The following AMD1 variants were observed in gnomAD, a reference collection of about 807,000 sequenced individuals.
AMD1 encodes adenosylmethionine decarboxylase 1, also known as S-adenosylmethionine decarboxylase proenzyme.
In AMD1, 11 loss-of-function variants were observed where a neutral mutation model predicts 40.2. The observed-to-expected ratio is 0.27, with a 90% CI of 0.17 to 0.45. The LOEUF (loss-of-function observed/expected upper bound fraction) is 0.45, where lower values mean the gene tolerates loss of function less well. Among genes scored for constraint, AMD1 ranks in the 20% least tolerant of loss-of-function variants. AMD1 has a pLI of 1.00. For missense variants in AMD1, 257 were observed against 410.2 expected (o/e 0.63, Z 3.23); for synonymous variants, 121 against 130.8 (o/e 0.93, Z 0.51).
chr6:110,814,958 C>T, the AMD1 span: 1 of 1,593,758 alleles, frequency 6.3e-7, no homozygotes, highest in South Asian at 1.1e-5. Context: ...CGCCAGGTCG[C>T]GGGCAGGGCG....
At chr6:110,885,703 C>G (rs1785643722) in intron 1 of AMD1, among the ~76,000 whole-genome samples, 1 of 152,148 alleles carries the variant, frequency 6.6e-6, no homozygotes, top group Admixed American at 6.6e-5. Flanking sequence ...TTTTTAGTAG[C>G]TCTTTTAAAA....
chr6:110,894,949 G>A lies in AMD1; in HGVS notation c.*1333G>A, dbSNP rs1049396222. The A allele has an allele frequency of 2.0e-5, 3 of 152,122 alleles. No homozygotes were observed. The highest frequency in any genetic ancestry group is 4.4e-5 in the Non-Finnish European group (3 of 68,016). 9.4% of individuals were successfully genotyped at this position (152,122 alleles called of 1,614,324 possible). The stretch of plus-strand genomic sequence containing the variant: ...ATAAAGCAGAATACATTATAAATAA[G>A]TAGAATATGAATAAATAGAATAATA... On this transcript the variant is annotated 3_prime_UTR_variant, in exon 9 of 9. Transcript: ENST00000368885.
chr6:110,862,073 G>T, the AMD1 span, among the ~76,000 whole-genome samples: 5 of 142,436 alleles, frequency 3.5e-5, no homozygotes, highest in Middle Eastern at 7.1e-3. Context: ...CGGCTGGAGT[G>T]CAGTAGCGTG....
intron 1 of AMD1, among the ~76,000 whole-genome samples, chr6:110,882,048 A>G (rs1177924894): frequency 2.0e-5 from 3 of 152,244 alleles, no homozygotes; most frequent in Non-Finnish European, 2.9e-5. Context: ...AGTGCTTCAA[A>G]GTCTCAGTTT....
At chr6:110,886,494 C>T (rs766992368) in intron 1 of AMD1, among the ~76,000 whole-genome samples, 13 of 152,096 alleles carry the variant, frequency 8.5e-5, no homozygotes, top group Non-Finnish European at 1.6e-4. Context: ...TTAGTAGAAA[C>T]AGGGTTTCAC....
chr6:110,852,657 A>G, the AMD1 span, among the ~76,000 whole-genome samples: 1 of 152,234 alleles, frequency 6.6e-6, no homozygotes. Flanking sequence ...TCTTAGAAAT[A>G]AAATAAAACA....
chr6:110,861,473 G>A, the AMD1 span, among the ~76,000 whole-genome samples: 2 of 150,806 alleles, frequency 1.3e-5, no homozygotes, highest in East Asian at 2.0e-4. Context: ...GCACTGAGCC[G>A]AGATCATGCC....
At chr6:110,823,359 C>G in the AMD1 span, among the ~76,000 whole-genome samples, 1 of 152,094 alleles carries the variant, frequency 6.6e-6, no homozygotes, top group Non-Finnish European at 1.5e-5. Context: ...CAACGTAGTA[C>G]TGGAAGTACT....
At chr6:110,861,036 G>A in the AMD1 span, among the ~76,000 whole-genome samples, 12 of 152,048 alleles carry the variant, frequency 7.9e-5, no homozygotes, top group Admixed American at 5.9e-4. Context: ...GCAACATGGT[G>A]AAACCCAGTC....
the AMD1 span, among the ~76,000 whole-genome samples, chr6:110,849,267 G>A: frequency 6.6e-6 from 1 of 152,172 alleles, no homozygotes; most frequent in East Asian, 1.9e-4. Flanking sequence ...TGTTAAGAGA[G>A]GGTGTCAAAT....
At chr6:110,815,092 C>T in the AMD1 span, 2 of 1,603,156 alleles carry the variant, frequency 1.2e-6, no homozygotes, top group Non-Finnish European at 1.7e-6. Flanking sequence ...AATCCTCCAC[C>T]CGCTCCCGCT....
At chr6:110,830,819 A>G in the AMD1 span, among the ~76,000 whole-genome samples, 1 of 152,144 alleles carries the variant, frequency 6.6e-6, no homozygotes, top group African/African-American at 2.4e-5. Flanking sequence ...GCCTGATGGT[A>G]GTTCATTGCA....
chr6:110,860,833 C>CCACACACACA, the AMD1 span, among the ~76,000 whole-genome samples: 1 of 128,122 alleles, frequency 7.8e-6, no homozygotes, highest in Admixed American at 7.4e-5. Flanking sequence ...AAACACCCAC[C>CCACACACACA]CACACACACA....
the AMD1 span, chr6:110,815,680 C>T: frequency 6.6e-6 from 1 of 152,552 alleles, no homozygotes; most frequent in Non-Finnish European, 1.5e-5. Context: ...GTAGAAAGCT[C>T]GAAGTTCCAG....
chr6:110,838,614 T>C, the AMD1 span, among the ~76,000 whole-genome samples: 1 of 151,832 alleles, frequency 6.6e-6, no homozygotes, highest in African/African-American at 2.4e-5. Context: ...ATCCTGGCAC[T>C]TTGGGAGGCC....
At chr6:110,875,344 T>C in intron 1 of AMD1, 129 bp downstream of exon 1, 1 of 776,886 alleles carries the variant, frequency 1.3e-6, no homozygotes, top group South Asian at 1.6e-5. Context: ...TGGGGTCGCT[T>C]CGGCGGCCTT....
chr6:110,837,479 G>A, the AMD1 span, among the ~76,000 whole-genome samples: 2 of 151,358 alleles, frequency 1.3e-5, no homozygotes, highest in African/African-American at 2.4e-5. Context: ...GGGAGGCCGA[G>A]GCAGATGGAT....
chr6:110,819,189 CT>C, the AMD1 span, among the ~76,000 whole-genome samples: 1 of 152,144 alleles, frequency 6.6e-6, no homozygotes, highest in Non-Finnish European at 1.5e-5. Context: ...GAAACCCCGT[CT>C]CTACTACAAA....
At chr6:110,839,622 A>T in the AMD1 span, among the ~76,000 whole-genome samples, 2 of 152,302 alleles carry the variant, frequency 1.3e-5, no homozygotes, top group South Asian at 4.1e-4. Context: ...CTCAATCTAA[A>T]AAATAAATAA....
Sources: gnomAD v4.1 joint callset for allele counts (sites outside exome capture counted in the v4.1 genomes callset) on GRCh38, gnomAD v4.1.1 for gene constraint, MANE v1.5 for transcripts, NCBI Gene and HGNC (gene_info 2026-07-23, HGNC 2026-07-21) for gene names.